Variants in EEA1 observed in about 807,000 individuals in gnomAD.
EEA1 encodes early endosome antigen 1, 162kD.
Under a neutral mutation model 209.2 loss-of-function variants are expected in EEA1, and 111 were observed. The ratio of observed to expected loss-of-function variants is 0.53; its 90% CI spans 0.45 to 0.62. EEA1 has a LOEUF of 0.62. EEA1 is among the 20% of genes least tolerant of loss of function. The pLI, the probability that EEA1 is intolerant of heterozygous loss-of-function variation, is 0.00. For synonymous variants in EEA1, 536 were observed against 540.6 expected (o/e 0.99, Z 0.12); for missense variants, 1,343 against 1,530.8 (o/e 0.88, Z 2.05).
chr12:92,863,231 T>C (rs1352878228), intron 3 of EEA1, among the ~76,000 whole-genome samples: 1 of 152,234 alleles, frequency 6.6e-6, no homozygotes, highest in Non-Finnish European at 1.5e-5. Flanking sequence ...CTTCCTTTCC[T>C]ATACTAATCC....
chr12:92,845,741 G>A (rs1877365785), intron 9 of EEA1, among the ~76,000 whole-genome samples: 1 of 152,124 alleles, frequency 6.6e-6, no homozygotes, highest in African/African-American at 2.4e-5. Flanking sequence ...TACTTGTACA[G>A]TCTGTTGTTT....
At chr12:92,867,620 A>G (rs1023708687) in intron 2 of EEA1, among the ~76,000 whole-genome samples, 2 of 152,198 alleles carry the variant, frequency 1.3e-5, no homozygotes, top group Admixed American at 1.3e-4. Context: ...ATCCTCATTT[A>G]TTATTTGTGC....
intron 1 of EEA1, among the ~76,000 whole-genome samples, chr12:92,922,343 T>C (rs1289252881): frequency 6.6e-6 from 1 of 152,214 alleles, no homozygotes; most frequent in Non-Finnish European, 1.5e-5. Flanking sequence ...TCTATCCCTC[T>C]TATTGAAAAT....
At chr12:92,816,492 G>T in intron 14 of EEA1, 92 bp from the exon 15 acceptor site, 2 of 1,181,584 alleles carry the variant, frequency 1.7e-6, no homozygotes, top group Non-Finnish European at 2.4e-6. Context: ...ATATTAAAGT[G>T]CTTTATGATA....
intron 2 of EEA1, among the ~76,000 whole-genome samples, chr12:92,877,147 T>TC (rs1056905157): frequency 3.3e-5 from 5 of 149,978 alleles, no homozygotes; most frequent in Admixed American, 6.6e-5. Flanking sequence ...TTTTTTTTTT[T>TC]TTTGTATTTT....
intron 1 of EEA1, among the ~76,000 whole-genome samples, chr12:92,919,394 C>T (rs1157601040): frequency 7.1e-6 from 1 of 140,738 alleles, no homozygotes; most frequent in Non-Finnish European, 1.5e-5. Context: ...AAAGCTTATC[C>T]ACCATGATCA....
At chr12:92,835,873 TA>T (rs763529117) in intron 10 of EEA1, among the ~76,000 whole-genome samples, 7 of 152,220 alleles carry the variant, frequency 4.6e-5, no homozygotes, top group Non-Finnish European at 1.0e-4. Context: ...TCTTTCTTTT[TA>T]AAAGAATCTA....
At chr12:92,817,183 A>G (rs1317422747) in intron 14 of EEA1, among the ~76,000 whole-genome samples, 1 of 151,026 alleles carries the variant, frequency 6.6e-6, no homozygotes, top group East Asian at 1.9e-4. Flanking sequence ...TCACTAAGGT[A>G]CTGTGTTTTT....
At chr12:92,791,981 G>A (rs11503222) in intron 21 of EEA1, among the ~76,000 whole-genome samples, 237 of 152,244 alleles carry the variant, frequency 1.6e-3, no homozygotes, top group African/African-American at 5.0e-3. Flanking sequence ...ACTGAAAACC[G>A]CAGAACTACA....
At chr12:92,887,498 A>C (rs1007138029) in intron 2 of EEA1, among the ~76,000 whole-genome samples, 1 of 152,080 alleles carries the variant, frequency 6.6e-6, no homozygotes, top group Non-Finnish European at 1.5e-5. Flanking sequence ...CAACAACAAC[A>C]ACAACAACAA....
rs1368865742 is a variant in EEA1 at position 92,929,267 on chromosome 12, G to T, written c.-201C>A. 2 of 306,498 alleles carry T rather than the reference G, an allele frequency of 6.5e-6. No homozygotes were observed. The highest frequency in any genetic ancestry group is 7.7e-5 in the East Asian group (1 of 12,992). The allele number at this position is 306,498 out of a possible 1,614,324, so 19.0% of individuals were successfully genotyped here. ...AGGGAGCACGCGAGAGAGAGCGAGC[G>T]AACGACTAGGCAGCCTGCGAGCGCC... On this transcript the variant is annotated 5_prime_UTR_variant, in exon 1 of 29. Coordinates refer to ENST00000322349, the MANE Select transcript of EEA1 (RefSeq NM_003566.4).
In EEA1 at chr12:92,893,750, A is replaced by C. The variant is rs763313326; in HGVS notation, c.25-2029T>G. Among the ~76,000 whole-genome samples, 100 of 152,136 alleles carry C rather than the reference A, an allele frequency of 6.6e-4. No individual in the cohort carries two copies. The South Asian group carries it at 8.5e-3, about 13-fold the overall frequency. ...TATTTTTTTCAGTTTTCATTTTGCT[A>C]CTTTTTTTTTCAGAATTTTAGATCC... On this transcript the variant is annotated intron_variant, in intron 1 of 28. Transcript: ENST00000322349.
intron 16 of EEA1, 88 bp downstream of exon 16, chr12:92,812,892 C>A: frequency 1.1e-6 from 1 of 882,456 alleles, no homozygotes; most frequent in South Asian, 2.5e-5. Flanking sequence ...CAAGATTATA[C>A]AAAACTGGGT....
intron 22 of EEA1, among the ~76,000 whole-genome samples, chr12:92,784,930 C>T (rs943130407): frequency 1.3e-5 from 2 of 151,380 alleles, no homozygotes; most frequent in African/African-American, 4.9e-5. Context: ...CCTGATTATG[C>T]CAATCACATT....
At position 92,772,787 on chromosome 12, in the gene EEA1, A is replaced by C. The variant is rs753463064; in HGVS notation, c.*3224T>G. The C allele has an allele frequency of 6.6e-6, 1 of 152,296 alleles. No homozygotes were observed. The highest frequency in any genetic ancestry group is 2.4e-5 in the African/African-American group (1 of 41,434). 9.4% of individuals were successfully genotyped at this position (152,296 alleles called of 1,614,324 possible). On this transcript the variant is annotated 3_prime_UTR_variant, in exon 29 of 29. Coordinates refer to ENST00000322349, the MANE Select transcript of EEA1 (RefSeq NM_003566.4). The stretch of plus-strand genomic sequence containing the variant: ...AAACTAAATGAGAAAATGTTCATGC[A>C]TAAGTATCTACAGAACTTATGAATA...
intron 9 of EEA1, among the ~76,000 whole-genome samples, chr12:92,843,411 G>A (rs901419906): frequency 2.0e-5 from 3 of 151,968 alleles, no homozygotes; most frequent in Admixed American, 1.3e-4. Flanking sequence ...CTCCCACTAC[G>A]GCCTCCTGGG....
intron 14 of EEA1, among the ~76,000 whole-genome samples, chr12:92,819,022 G>GT (rs1341512037): frequency 6.6e-6 from 1 of 152,072 alleles, no homozygotes; most frequent in Non-Finnish European, 1.5e-5. Flanking sequence ...TAATATTTCT[G>GT]TTTTTCCAGT....
intron 21 of EEA1, among the ~76,000 whole-genome samples, chr12:92,793,680 C>T (rs896248545): frequency 6.6e-6 from 1 of 152,094 alleles, no homozygotes; most frequent in Admixed American, 6.5e-5. Context: ...TAGGAAAAAT[C>T]AATATCATGA....
rs541037296 is a variant in EEA1 at position 92,832,621 on chromosome 12, G to T, written c.1145C>A (p.Ser382Tyr). Residue 382 changes from serine to tyrosine, a missense_variant, in exon 11 of 29, where the codon TCT (serine) becomes TAT (tyrosine). Coordinates refer to ENST00000322349, the MANE Select transcript of EEA1 (RefSeq NM_003566.4). ...ATGCTGGTACTTGGTCTCTACCTCAGATAATTCTTCTTTGAGCTTTTGAGT... is the reference window on the plus strand; with the variant it reads ...ATGCTGGTACTTGGTCTCTACCTCATATAATTCTTCTTTGAGCTTTTGAGT... ...EATQKLKEEL[S>Y]EVETKYQHLK... is the part of the protein sequence containing the mutation. The T allele has an allele frequency of 6.2e-7, 1 of 1,614,018 alleles. No homozygotes were observed. The highest frequency in any genetic ancestry group is 1.3e-5 in the African/African-American group (1 of 75,032).
Sources: gnomAD v4.1 joint callset for allele counts (sites outside exome capture counted in the v4.1 genomes callset) on GRCh38, gnomAD v4.1.1 for gene constraint, MANE v1.5 for transcripts, NCBI Gene and HGNC (gene_info 2026-07-23, HGNC 2026-07-21) for gene names.